The following MDGA2 variants were observed in gnomAD, a reference collection of about 807,000 sequenced individuals.
The protein encoded by MDGA2 is MAM domain containing glycosylphosphatidylinositol anchor 2.
Under a neutral mutation model 117.8 loss-of-function variants are expected in MDGA2, and 40 were observed. The ratio of observed to expected loss-of-function variants is 0.34; its 90% confidence interval spans 0.26 to 0.44. The LOEUF (loss-of-function observed/expected upper bound fraction) is 0.44. Among genes scored for constraint, MDGA2 ranks in the 20% least tolerant of loss-of-function variants. MDGA2 has a pLI of 1.00. For synonymous variants in MDGA2, 452 were observed against 439.0 expected (o/e 1.03, Z -0.37); for missense variants, 1,123 against 1,250.6 (o/e 0.90, Z 1.54).
intron 1 of MDGA2, among the ~76,000 whole-genome samples, chr14:47,378,593 G>A (rs533960772): frequency 3.9e-5 from 6 of 152,178 alleles, no homozygotes; most frequent in Middle Eastern, 3.4e-3. Context: ...TAGCCGATTC[G>A]ATCAAGTGGA....
intron 10 of MDGA2, among the ~76,000 whole-genome samples, chr14:46,897,545 G>T (rs1408651187): frequency 6.6e-6 from 1 of 151,972 alleles, no homozygotes; most frequent in Non-Finnish European, 1.5e-5. Context: ...ATTAGACGGA[G>T]TCTTTGTTCT....
intron 8 of MDGA2, 30 bp from the exon 9 acceptor site, chr14:46,957,673 A>G: frequency 6.2e-7 from 1 of 1,611,000 alleles, no homozygotes; most frequent in Non-Finnish European, 8.5e-7. Flanking sequence ...AAACAGATGA[A>G]AGATGTGACT....
intron 1 of MDGA2, chr14:47,343,111 A>G: frequency 8.0e-7 from 1 of 1,242,684 alleles, no homozygotes; most frequent in Non-Finnish European, 1.0e-6. Flanking sequence ...GAATAACCAG[A>G]TGCTCGAGGC....
At chr14:46,940,388 G>A (rs573076208) in intron 9 of MDGA2, among the ~76,000 whole-genome samples, 2 of 152,212 alleles carry the variant, frequency 1.3e-5, no homozygotes, top group South Asian at 4.1e-4. Flanking sequence ...CAGCACGTTG[G>A]GAGTCTGAGG....
At chr14:47,196,988 G>A (rs1427455504) in intron 3 of MDGA2, among the ~76,000 whole-genome samples, 1 of 152,096 alleles carries the variant, frequency 6.6e-6, no homozygotes, top group African/African-American at 2.4e-5. Context: ...TGATCCAAAG[G>A]ACATGATTTC....
intron 1 of MDGA2, among the ~76,000 whole-genome samples, chr14:47,446,228 TG>T (rs1308968192): frequency 6.6e-6 from 1 of 152,128 alleles, no homozygotes; most frequent in African/African-American, 2.4e-5. Flanking sequence ...AAAAACATCT[TG>T]GGAATTTTGT....
intron 6 of MDGA2, among the ~76,000 whole-genome samples, chr14:47,079,725 TAA>T (rs1890630951): frequency 8.9e-6 from 1 of 112,342 alleles, no homozygotes; most frequent in Non-Finnish European, 1.8e-5. Flanking sequence ...GATTTTCTAC[TAA>T]TTTTTTTTTT....
At chr14:46,906,945 AACACTGC>A (rs1489350643) in intron 10 of MDGA2, among the ~76,000 whole-genome samples, 2 of 151,200 alleles carry the variant, frequency 1.3e-5, no homozygotes, top group East Asian at 3.9e-4. Flanking sequence ...TCTCAATTAC[AACACTGC>A]ATTCTTTGCT....
chr14:46,983,735 T>G (rs977128422), intron 8 of MDGA2, among the ~76,000 whole-genome samples: 5 of 152,058 alleles, frequency 3.3e-5, no homozygotes, highest in African/African-American at 1.2e-4. Flanking sequence ...GAGAATAGTT[T>G]CAGCTGTGTG....
chr14:47,602,754 A>G (rs571652849), intron 1 of MDGA2, among the ~76,000 whole-genome samples: 1 of 152,290 alleles, frequency 6.6e-6, no homozygotes, highest in Non-Finnish European at 1.5e-5. Context: ...GAGCTTGGTG[A>G]AAAGTAGCCC....
intron 1 of MDGA2, among the ~76,000 whole-genome samples, chr14:47,511,910 C>T (rs1039316282): frequency 4.6e-5 from 7 of 152,086 alleles, no homozygotes; most frequent in African/African-American, 1.7e-4. Flanking sequence ...TCAGGTCTAC[C>T]GCTCAAAGAA....
intron 1 of MDGA2, among the ~76,000 whole-genome samples, chr14:47,364,903 A>G (rs1216313373): frequency 2.0e-5 from 3 of 152,194 alleles, no homozygotes; most frequent in African/African-American, 7.2e-5. Context: ...AAATGGAATT[A>G]TTAGTAGTTT....
rs145626267 is a variant in MDGA2, at chr14:47,446,157, T to C, written c.281-144607A>G. Among the ~76,000 whole-genome samples, 198 of 152,256 alleles carry C rather than the reference T, an allele frequency of 1.3e-3. 2 individuals are homozygous for C. Among genetic ancestry groups the C allele is most frequent in the African/African-American group, 4.6e-3 (191 of 41,570 alleles). ...ATCAGAGAGTCATCCCTGTGTGTAATTATTAAAGACGAAATTTTACATGAA... is the reference window on the plus strand; with the variant it reads ...ATCAGAGAGTCATCCCTGTGTGTAACTATTAAAGACGAAATTTTACATGAA... On this transcript the variant is annotated intron_variant, in intron 1 of 16. Coordinates refer to ENST00000399232, the MANE Select transcript of MDGA2 (RefSeq NM_001113498.3).
chr14:47,645,866 A>T (rs1277224978), intron 1 of MDGA2, among the ~76,000 whole-genome samples: 1 of 151,834 alleles, frequency 6.6e-6, no homozygotes, highest in South Asian at 2.1e-4. Context: ...AGGTCAGAAG[A>T]TCGAGACCAT....
chr14:47,323,028 G>T (rs527306080), intron 1 of MDGA2, among the ~76,000 whole-genome samples: 73 of 151,582 alleles, frequency 4.8e-4, no homozygotes, highest in African/African-American at 1.7e-3. Context: ...GGCTCTTTCA[G>T]AGAAGCAGAG....
intron 7 of MDGA2, among the ~76,000 whole-genome samples, chr14:47,050,858 G>T (rs1889433804): frequency 6.6e-6 from 1 of 151,940 alleles, no homozygotes; most frequent in Admixed American, 6.6e-5. Context: ...AGCGGGATAT[G>T]GGACTGGCAA....
At chr14:47,201,423 C>G (rs1474708434) in intron 3 of MDGA2, among the ~76,000 whole-genome samples, 1 of 152,166 alleles carries the variant, frequency 6.6e-6, no homozygotes, top group Non-Finnish European at 1.5e-5. Flanking sequence ...ATTGTTCTCC[C>G]TTTTACCTTG....
intron 1 of MDGA2, among the ~76,000 whole-genome samples, chr14:47,618,616 ATATTT>A (rs1252676386): frequency 6.6e-6 from 1 of 152,208 alleles, no homozygotes; most frequent in Non-Finnish European, 1.5e-5. Flanking sequence ...GCCGCATCTA[ATATTT>A]TATTTTATCT....
intron 1 of MDGA2, among the ~76,000 whole-genome samples, chr14:47,390,630 C>T (rs1891872889): frequency 1.3e-5 from 2 of 152,174 alleles, no homozygotes; most frequent in Non-Finnish European, 2.9e-5. Flanking sequence ...TGCTCAGACA[C>T]ATAAAAGGGT....
Sources: allele counts gnomAD v4.1 joint callset (sites outside exome capture counted in the v4.1 genomes callset), GRCh38; gene constraint gnomAD v4.1.1; transcripts MANE v1.5; gene names NCBI Gene and HGNC (gene_info 2026-07-23, HGNC 2026-07-21).